ANKIB1: variants seen among roughly 807,000 people sequenced by gnomAD.
The protein encoded by ANKIB1 is ankyrin repeat and IBR domain containing 1, also known as ankyrin repeat and IBR domain-containing protein 1.
In ANKIB1, 43 loss-of-function variants were observed where a neutral mutation model predicts 122.1. That is an observed-to-expected ratio of 0.35 (90% CI 0.28 to 0.45). The LOEUF (loss-of-function observed/expected upper bound fraction) is 0.45, where lower values mean the gene tolerates loss of function less well. Among genes scored for constraint, ANKIB1 ranks in the 20% least tolerant of loss-of-function variants. The probability of loss-of-function intolerance (pLI) is 1.00; values close to 1 mark genes in which losing one functional copy is unlikely to be tolerated. For synonymous variants in ANKIB1, 390 were observed against 442.0 expected, an observed-to-expected ratio of 0.88 and a Z score of 1.48; for missense variants, 992 against 1,329.5, an observed-to-expected ratio of 0.75 and a Z score of 3.95.
At chr7:92,344,248 A>T (rs1803493045) in intron 6 of ANKIB1, among the ~76,000 whole-genome samples, 1 of 121,656 alleles carries the variant, frequency 8.2e-6, no homozygotes, top group Non-Finnish European at 1.6e-5. Flanking sequence ...CTTGTTGCCG[A>T]GGCTGGAGTG....
intron 5 of ANKIB1, among the ~76,000 whole-genome samples, chr7:92,331,510 G>C (rs1436924642): frequency 6.6e-6 from 1 of 152,044 alleles, no homozygotes; most frequent in African/African-American, 2.4e-5. Context: ...CTGACCTCAA[G>C]TGATCCGCCT....
chr7:92,295,062 T>G lies in ANKIB1; in HGVS notation c.84T>G (p.Pro28=). The change falls in exon 2 of 20, where the codon CCT becomes CCG. Residue 28 remains proline, a synonymous_variant. Coordinates refer to ENST00000265742, the MANE Select transcript of ANKIB1 (RefSeq NM_019004.2). ...CCTGCCAAATATATGAAAACAATCCTCAGCTAAAAGAATCTCTTGATCCAA... is the reference window on the plus strand; with the variant it reads ...CCTGCCAAATATATGAAAACAATCCGCAGCTAAAAGAATCTCTTGATCCAA... The part of the protein sequence containing the change: ...NLACQIYENN[P]QLKESLDPNT... 6.2e-7 allele frequency: 1 copy of G among 1,600,250 alleles called. No homozygotes were observed. The highest frequency in any genetic ancestry group is 8.5e-7 in the Non-Finnish European group (1 of 1,173,118).
intron 10 of ANKIB1, among the ~76,000 whole-genome samples, chr7:92,364,336 A>T (rs2115612240): frequency 6.7e-6 from 1 of 149,006 alleles, no homozygotes; most frequent in South Asian, 2.1e-4. Flanking sequence ...AAAAAAAAAA[A>T]AAAGCCTTTA....
At chr7:92,342,226 G>A (rs1260488136) in intron 5 of ANKIB1, among the ~76,000 whole-genome samples, 1 of 152,128 alleles carries the variant, frequency 6.6e-6, no homozygotes, top group Non-Finnish European at 1.5e-5. Flanking sequence ...ATCTCTGTGT[G>A]AGCTTGGACA....
intron 9 of ANKIB1, among the ~76,000 whole-genome samples, chr7:92,353,642 C>A (rs949016501): frequency 5.3e-5 from 8 of 152,340 alleles, no homozygotes; most frequent in African/African-American, 1.9e-4. Flanking sequence ...TGGTCTACTT[C>A]TTACCTTCGC....
intron 11 of ANKIB1, among the ~76,000 whole-genome samples, chr7:92,384,759 A>G (rs200392314): frequency 0.094 from 14,206 of 151,670 alleles, 863 homozygotes; most frequent in East Asian, 0.35. Context: ...AGACTTAACT[A>G]TTAGACCTAA....
intron 3 of ANKIB1, 111 bp from the exon 4 acceptor site, chr7:92,319,219 C>T: frequency 1.5e-6 from 1 of 658,684 alleles, no homozygotes; most frequent in Non-Finnish European, 2.5e-6. Flanking sequence ...ACTGTACATA[C>T]TGTTGCATTT....
intron 1 of ANKIB1, among the ~76,000 whole-genome samples, chr7:92,262,247 A>G (rs890276849): frequency 2.0e-5 from 3 of 152,232 alleles, no homozygotes; most frequent in Non-Finnish European, 2.9e-5. Context: ...TTCCATATCT[A>G]TAGCTGAAGA....
At position 92,395,006 on chromosome 7, in the gene ANKIB1, A is replaced by G. The variant is rs555903245; in HGVS notation, c.2284-1359A>G. On this transcript the variant is annotated intron_variant, in intron 17 of 19. Transcript: ENST00000265742. ...TAAGCATATTGAATATTCTAGGGTA[A>G]CCAGGATAATCATAAAGTTGAATAT... Among the ~76,000 whole-genome samples, 8 of 152,326 alleles carry G rather than the reference A, an allele frequency of 5.3e-5. No individual in the cohort carries two copies. In the South Asian group the frequency reaches 1.7e-3, roughly 32 times the overall value.
Position 92,319,389 on chromosome 7 carries a change from T to C in ANKIB1, c.546T>C (p.Cys182=). The C allele has an allele frequency of 6.2e-7, 1 of 1,613,228 alleles. No individual in the cohort carries two copies. Among genetic ancestry groups the C allele is most frequent in the Non-Finnish European group, 8.5e-7 (1 of 1,179,626 alleles). Residue 182 remains cysteine, a synonymous_variant, in exon 4 of 20, where the codon TGT becomes TGC. Coordinates refer to ENST00000265742, the MANE Select transcript of ANKIB1 (RefSeq NM_019004.2). The part of the protein sequence containing the change: ...FAENENKDTP[C]DCAEKQHHKD... ...AGAATGAAAATAAAGATACTCCTTG[T>C]GATTGTGCTGAAAAGCAACACCACA...
intron 3 of ANKIB1, among the ~76,000 whole-genome samples, chr7:92,309,942 A>ATATATATATATATATATATATATATAT (rs1554338740): frequency 2.2e-5 from 2 of 91,792 alleles, no homozygotes; most frequent in East Asian, 4.6e-4. Context: ...AAAAAAAAAA[A>ATATATATATATATATATATATATATAT]ATATATATAT....
chr7:92,361,723 T>C (rs1287420433), intron 9 of ANKIB1, among the ~76,000 whole-genome samples: 3 of 152,170 alleles, frequency 2.0e-5, no homozygotes, highest in Non-Finnish European at 2.9e-5. Context: ...ATCTCATTTT[T>C]AGTGCCTCCA....
chr7:92,377,073 C>A (rs4729035), intron 11 of ANKIB1, among the ~76,000 whole-genome samples: 1 of 152,266 alleles, frequency 6.6e-6, no homozygotes, highest in Admixed American at 6.5e-5. Flanking sequence ...CTAACTGACA[C>A]AAGAAGCCTA....
Position 92,377,045 on chromosome 7 carries a change from T to G in ANKIB1, c.1617+5438T>G, listed in dbSNP as rs557276414. ...TTTACTTTCCTTCAAGAACTTTTCC[T>G]TTGCATTCCCAATTTGGCTAACTGA... On this transcript the variant is annotated intron_variant, in intron 11 of 19. Transcript: ENST00000265742. Among the ~76,000 whole-genome samples the G allele has an allele frequency of 2.0e-5, 3 of 152,328 alleles. No individual in the cohort carries two copies. The East Asian group carries it at 5.8e-4, about 29-fold the overall frequency.
Position 92,398,390 on chromosome 7 carries a change from A to G in ANKIB1, c.2711A>G (p.Asp904Gly). 1.9e-6 allele frequency: 3 copies of G among 1,613,428 alleles called. No individual in the cohort carries two copies. The highest frequency in any genetic ancestry group is 2.5e-6 in the Non-Finnish European group (3 of 1,179,626). Reference protein sequence around the residue: ...SRLDSVPRNTDSPRAALSSSE... With the variant: ...SRLDSVPRNTGSPRAALSSSE... The stretch of plus-strand genomic sequence containing the variant: ...CTGGACTCTGTCCCCAGAAATACAG[A>G]TAGCCCTCGGGCTGCATTGAGCAGC... The change falls in exon 20 of 20, where the codon GAT becomes GGT. Residue 904 changes from aspartate (D) to glycine (G), a missense_variant. Physicochemically the swap from Asp to Gly is moderately conservative, Grantham distance 94. Around this residue, in one of 4 missense-constraint regions of ANKIB1, gnomAD observed 384 missense variants for 412.0 expected, o/e 0.93. Coordinates refer to ENST00000265742, the MANE Select transcript of ANKIB1 (RefSeq NM_019004.2).
chr7:92,397,991 C>A, intron 19 of ANKIB1, 132 bp downstream of exon 19: 2 of 1,312,982 alleles, frequency 1.5e-6, no homozygotes, highest in South Asian at 1.4e-5. Flanking sequence ...AGATGTGCTG[C>A]AGGAAAAGAT....
In ANKIB1 at chr7:92,335,854, T is replaced by C. The variant is rs144380209; in HGVS notation, c.788-7170T>C. 2.3e-3 allele frequency among the ~76,000 whole-genome samples: 355 copies of C among 152,186 alleles called. 1 individual carries two copies. The highest frequency in any genetic ancestry group is 8.2e-3 in the African/African-American group (342 of 41,562). On this transcript the variant is annotated intron_variant, in intron 5 of 19. Coordinates refer to ENST00000265742, the MANE Select transcript of ANKIB1 (RefSeq NM_019004.2). ...TTATTTTTTGTTCTCTGTTCCTCCT[T>C]CTCTGCTGTATTTTGAATTAGTTGA...
At chr7:92,327,979 G>A (rs1309710453) in intron 5 of ANKIB1, 79 bp downstream of exon 5, 4 of 898,932 alleles carry the variant, frequency 4.4e-6, no homozygotes, top group Non-Finnish European at 6.7e-6. Flanking sequence ...GGCTATTTTT[G>A]TATTTGAATA....
At chr7:92,322,605 T>G (rs1315220005) in intron 4 of ANKIB1, among the ~76,000 whole-genome samples, 1 of 152,154 alleles carries the variant, frequency 6.6e-6, no homozygotes, top group Non-Finnish European at 1.5e-5. Context: ...ATATGTATAT[T>G]GAATTTTTAA....
Sources: allele counts gnomAD v4.1 joint callset (sites outside exome capture counted in the v4.1 genomes callset), GRCh38; gene constraint gnomAD v4.1.1; regional missense constraint gnomAD v4.1.1; transcripts MANE v1.5; gene names NCBI Gene and HGNC (gene_info 2026-07-23, HGNC 2026-07-21).